The following WDPCP variants were observed in gnomAD, a reference collection of about 807,000 sequenced individuals.
WDPCP encodes WD repeat containing planar cell polarity effector, also known as WD repeat-containing and planar cell polarity effector protein fritz homolog.
WDPCP carries 71 observed loss-of-function variants against 93.1 expected under a neutral mutation model. The ratio of observed to expected loss-of-function variants is 0.76; its 90% CI spans 0.63 to 0.93. WDPCP has a LOEUF of 0.93. Among genes scored for constraint, WDPCP ranks in the 40% least tolerant of loss-of-function variants. WDPCP has a pLI of 0.00. For missense variants in WDPCP, 844 were observed against 887.4 expected (o/e 0.95, Z 0.62); for synonymous variants, 315 against 315.0 (o/e 1.00, Z 0.00).
At chr2:63,748,865 T>C (rs2103876307) in intron 2 of WDPCP, among the ~76,000 whole-genome samples, 2 of 152,202 alleles carry the variant, frequency 1.3e-5, no homozygotes, top group South Asian at 4.1e-4. Context: ...GAGATGATGG[T>C]GGGATACTAT....
intron 1 of WDPCP, among the ~76,000 whole-genome samples, chr2:63,579,754 T>C (rs932041857): frequency 8.3e-5 from 11 of 132,054 alleles, no homozygotes; most frequent in Admixed American, 1.6e-4. Flanking sequence ...GGTAGGCAGG[T>C]AGGTAGATAC....
At chr2:63,398,446 T>C (rs1406014369) in intron 10 of WDPCP, among the ~76,000 whole-genome samples, 1 of 152,166 alleles carries the variant, frequency 6.6e-6, no homozygotes, top group African/African-American at 2.4e-5. Context: ...TCTAATTACC[T>C]CCTAAGGAAG....
At chr2:63,695,202 A>G (rs1668947361) in intron 2 of WDPCP, among the ~76,000 whole-genome samples, 1 of 152,226 alleles carries the variant, frequency 6.6e-6, no homozygotes, top group African/African-American at 2.4e-5. Context: ...TAGATAAAAC[A>G]AAAAATTAAA....
chr2:63,621,369 G>A (rs560725313), intron 3 of WDPCP, among the ~76,000 whole-genome samples: 107 of 151,864 alleles, frequency 7.0e-4, no homozygotes, highest in African/African-American at 2.2e-3. Context: ...CAAGAACTTC[G>A]TGAAGCATAC....
chr2:63,339,373 G>A (rs1055129329), intron 12 of WDPCP, among the ~76,000 whole-genome samples: 2 of 151,942 alleles, frequency 1.3e-5, no homozygotes, highest in Non-Finnish European at 2.9e-5. Flanking sequence ...GGGTTTCACT[G>A]TGTTGGCCAG....
At chr2:63,180,606 C>A (rs1674169558) in intron 14 of WDPCP, among the ~76,000 whole-genome samples, 1 of 152,132 alleles carries the variant, frequency 6.6e-6, no homozygotes, top group Admixed American at 6.5e-5. Flanking sequence ...GTAGGTGATT[C>A]CATCTCTTTG....
At chr2:63,685,394 AT>A (rs1159707160) in intron 2 of WDPCP, among the ~76,000 whole-genome samples, 3 of 152,226 alleles carry the variant, frequency 2.0e-5, no homozygotes, top group African/African-American at 7.2e-5. Context: ...ACCTATCAAG[AT>A]TGAACCATGA....
At chr2:63,503,486 C>A (rs1221428437) in intron 1 of WDPCP, among the ~76,000 whole-genome samples, 1 of 151,946 alleles carries the variant, frequency 6.6e-6, no homozygotes, top group Non-Finnish European at 1.5e-5. Flanking sequence ...GGGAGGTATG[C>A]CTGCATAAGC....
At chr2:63,127,910 G>A (rs149413009) in intron 17 of WDPCP, among the ~76,000 whole-genome samples, 143 of 151,960 alleles carry the variant, frequency 9.4e-4, no homozygotes, top group African/African-American at 3.2e-3. Flanking sequence ...AGGTCAAGGC[G>A]GCTGGATCAC....
At chr2:63,427,179 A>G (rs968101859) in intron 9 of WDPCP, among the ~76,000 whole-genome samples, 18 of 152,162 alleles carry the variant, frequency 1.2e-4, no homozygotes, top group African/African-American at 4.3e-4. Flanking sequence ...ACAGATCATC[A>G]AGGCAGAAAA....
chr2:63,579,902 T>C (rs1004137613), intron 1 of WDPCP, among the ~76,000 whole-genome samples: 2 of 152,104 alleles, frequency 1.3e-5, no homozygotes, highest in Non-Finnish European at 1.5e-5. Flanking sequence ...GTCATGAGGG[T>C]TCTGTCCTCA....
At chr2:63,735,644 G>A (rs150143568) in intron 2 of WDPCP, among the ~76,000 whole-genome samples, 5 of 152,228 alleles carry the variant, frequency 3.3e-5, no homozygotes, top group East Asian at 1.9e-4. Context: ...AAAAAGGGTC[G>A]GAGGAAGGGG....
At chr2:63,199,163 G>A (rs1675690854) in intron 14 of WDPCP, among the ~76,000 whole-genome samples, 1 of 152,212 alleles carries the variant, frequency 6.6e-6, no homozygotes, top group Non-Finnish European at 1.5e-5. Flanking sequence ...ATATGAGTGA[G>A]TAGAGATGAT....
chr2:63,238,618 T>G (rs941237412), intron 14 of WDPCP, among the ~76,000 whole-genome samples: 1 of 152,158 alleles, frequency 6.6e-6, no homozygotes, highest in Non-Finnish European at 1.5e-5. Flanking sequence ...TATATTTCTA[T>G]TGGACATCAT....
chr2:63,742,758 T>C (rs1023746544), intron 2 of WDPCP, among the ~76,000 whole-genome samples: 1 of 150,238 alleles, frequency 6.7e-6, no homozygotes, highest in East Asian at 2.0e-4. Flanking sequence ...GACCATGACC[T>C]TCTAGAACAT....
At chr2:63,487,405 A>G in intron 3 of WDPCP, 42 bp downstream of exon 3, 1 of 1,381,868 alleles carries the variant, frequency 7.2e-7, no homozygotes, top group South Asian at 1.2e-5. Flanking sequence ...GGTTTAGAAT[A>G]TTTAGTTAAT....
At chr2:63,766,752 T>C in intron 2 of WDPCP, among the ~76,000 whole-genome samples, 1 of 152,158 alleles carries the variant, frequency 6.6e-6, no homozygotes, top group Non-Finnish European at 1.5e-5. Flanking sequence ...TACACAGACA[T>C]AAAATTTACC....
chr2:63,223,086 A>T (rs1458603549), intron 14 of WDPCP, among the ~76,000 whole-genome samples: 2 of 152,132 alleles, frequency 1.3e-5, no homozygotes, highest in Non-Finnish European at 2.9e-5. Context: ...ACAAAATATG[A>T]CTGTATCAGT....
At chr2:63,633,076 A>G (rs1248610412) in intron 3 of WDPCP, among the ~76,000 whole-genome samples, 3 of 152,196 alleles carry the variant, frequency 2.0e-5, no homozygotes, top group African/African-American at 7.2e-5. Context: ...GATATATTCA[A>G]AGTCCTGAAA....
Sources: allele counts gnomAD v4.1 joint callset (sites outside exome capture counted in the v4.1 genomes callset), GRCh38; gene constraint gnomAD v4.1.1; transcripts MANE v1.5; gene names NCBI Gene and HGNC (gene_info 2026-07-23, HGNC 2026-07-21).